The following SGCZ variants were observed in gnomAD, a reference collection of about 807,000 sequenced individuals.
SGCZ encodes the protein zeta-sarcoglycan.
A neutral mutation model predicts 41.3 loss-of-function variants in SGCZ; 40 were observed. The ratio of observed to expected loss-of-function variants is 0.97; its 90% confidence interval spans 0.75 to 1.26. The LOEUF (loss-of-function observed/expected upper bound fraction) is 1.26. Among genes scored for constraint, SGCZ ranks in the 50% most tolerant of loss-of-function variants. The pLI, the probability that SGCZ is intolerant of heterozygous loss-of-function variation, is 0.00. For missense variants in SGCZ, 552 were observed against 369.8 expected, an observed-to-expected ratio of 1.49 and a Z score of -4.04; for synonymous variants, 206 against 137.5, an observed-to-expected ratio of 1.50 and a Z score of -3.49.
chr8:14,100,038 C>G (rs1322807647), intron 7 of SGCZ, among the ~76,000 whole-genome samples: 1 of 151,990 alleles, frequency 6.6e-6, no homozygotes, highest in Non-Finnish European at 1.5e-5. Context: ...CTTTATATCC[C>G]TCTATATTGT....
intron 1 of SGCZ, among the ~76,000 whole-genome samples, chr8:15,197,577 A>G (rs1800770240): frequency 6.6e-6 from 1 of 152,188 alleles, no homozygotes; most frequent in African/African-American, 2.4e-5. Flanking sequence ...TCACAGAATC[A>G]ATGAAAATGT....
intron 2 of SGCZ, among the ~76,000 whole-genome samples, chr8:14,407,516 G>A (rs147073378): frequency 5.9e-5 from 9 of 152,122 alleles, no homozygotes; most frequent in African/African-American, 2.2e-4. Flanking sequence ...TATGACATCT[G>A]TTTTAATTGT....
chr8:14,183,500 AG>A (rs1804798651), intron 4 of SGCZ, among the ~76,000 whole-genome samples: 1 of 152,348 alleles, frequency 6.6e-6, no homozygotes, highest in East Asian at 1.9e-4. Context: ...TCCTATGCAC[AG>A]TATCTGCACA....
At chr8:14,958,240 C>A (rs925825399) in intron 1 of SGCZ, among the ~76,000 whole-genome samples, 52 of 151,910 alleles carry the variant, frequency 3.4e-4, no homozygotes, top group African/African-American at 1.2e-3. Flanking sequence ...AGTTTACCCT[C>A]CTAGGTTTTT....
intron 1 of SGCZ, among the ~76,000 whole-genome samples, chr8:14,899,598 C>G (rs1341742742): frequency 6.6e-6 from 1 of 152,138 alleles, no homozygotes; most frequent in African/African-American, 2.4e-5. Flanking sequence ...CTTCCCCATG[C>G]TTGGAGGCTC....
chr8:14,955,247 G>C (rs1800756199), intron 1 of SGCZ, among the ~76,000 whole-genome samples: 1 of 152,024 alleles, frequency 6.6e-6, no homozygotes, highest in African/African-American at 2.4e-5. Flanking sequence ...TCAATGTTAT[G>C]TTTGTGAAAC....
intron 2 of SGCZ, among the ~76,000 whole-genome samples, chr8:14,331,978 T>C (rs900489104): frequency 2.0e-5 from 3 of 151,888 alleles, no homozygotes; most frequent in African/African-American, 7.2e-5. Context: ...ATACAATACA[T>C]GTAATATATT....
At chr8:15,063,416 A>T (rs1805012392) in intron 1 of SGCZ, among the ~76,000 whole-genome samples, 2 of 152,198 alleles carry the variant, frequency 1.3e-5, no homozygotes, top group Non-Finnish European at 1.5e-5. Context: ...AAAAAGTTAT[A>T]TTACAAAGAA....
intron 1 of SGCZ, among the ~76,000 whole-genome samples, chr8:15,193,983 T>C (rs1365264524): frequency 6.6e-6 from 1 of 152,208 alleles, no homozygotes; most frequent in Non-Finnish European, 1.5e-5. Flanking sequence ...AGTGGCATTC[T>C]TCTACTCTAT....
chr8:14,435,841 T>C (rs185595035), intron 2 of SGCZ, among the ~76,000 whole-genome samples: 1 of 152,350 alleles, frequency 6.6e-6, no homozygotes, highest in Admixed American at 6.5e-5. Context: ...GGCTAGCCCA[T>C]GCTCTAGCCA....
At chr8:14,490,859 G>A (rs1801822297) in intron 2 of SGCZ, among the ~76,000 whole-genome samples, 1 of 152,118 alleles carries the variant, frequency 6.6e-6, no homozygotes, top group Non-Finnish European at 1.5e-5. Flanking sequence ...TCTTGAGACA[G>A]AAAAGTGGAA....
intron 3 of SGCZ, chr8:14,309,689 A>C: frequency 1.2e-6 from 2 of 1,609,990 alleles, no homozygotes; most frequent in East Asian, 2.2e-5. Flanking sequence ...ACACCTTCTG[A>C]GTATTCTCAC....
chr8:14,476,039 C>G (rs954199582), intron 2 of SGCZ, among the ~76,000 whole-genome samples: 3 of 151,894 alleles, frequency 2.0e-5, no homozygotes, highest in Non-Finnish European at 4.4e-5. Context: ...CTCCTGGCCT[C>G]AAGCAAATCT....
At chr8:14,275,138 G>A (rs143919975) in intron 3 of SGCZ, among the ~76,000 whole-genome samples, 92 of 152,198 alleles carry the variant, frequency 6.0e-4, no homozygotes, top group Non-Finnish European at 1.0e-3. Context: ...GGTCAGAGCC[G>A]AAAGCCAGGT....
At chr8:14,873,102 G>C (rs182093961) in intron 1 of SGCZ, among the ~76,000 whole-genome samples, 8 of 152,200 alleles carry the variant, frequency 5.3e-5, no homozygotes, top group Middle Eastern at 3.4e-3. Context: ...AATAACAGCA[G>C]TTACTTAATA....
intron 2 of SGCZ, among the ~76,000 whole-genome samples, chr8:14,426,775 A>G (rs994581263): frequency 6.6e-6 from 1 of 152,174 alleles, no homozygotes; most frequent in Non-Finnish European, 1.5e-5. Context: ...AAAAAGGTAC[A>G]GGTGTTTTAC....
At chr8:14,876,831 A>C (rs1306330534) in intron 1 of SGCZ, among the ~76,000 whole-genome samples, 1 of 152,150 alleles carries the variant, frequency 6.6e-6, no homozygotes, top group Non-Finnish European at 1.5e-5. Context: ...GACATTCACT[A>C]AGTTCTGCTG....
intron 1 of SGCZ, among the ~76,000 whole-genome samples, chr8:15,159,358 G>C (rs1192074445): frequency 6.6e-6 from 1 of 152,120 alleles, no homozygotes; most frequent in Non-Finnish European, 1.5e-5. Context: ...CCTGAGTTCT[G>C]TGAGTCTCTC....
At chr8:14,683,240 T>G (rs1012201934) in intron 1 of SGCZ, among the ~76,000 whole-genome samples, 1 of 152,132 alleles carries the variant, frequency 6.6e-6, no homozygotes, top group Non-Finnish European at 1.5e-5. Flanking sequence ...CAATAAATGC[T>G]TACGATTACA....
Sources: gnomAD v4.1 joint callset for allele counts (sites outside exome capture counted in the v4.1 genomes callset) on GRCh38, gnomAD v4.1.1 for gene constraint, MANE v1.5 for transcripts, NCBI Gene and HGNC (gene_info 2026-07-23, HGNC 2026-07-21) for gene names.